EMP2: variants seen among roughly 807,000 people sequenced by gnomAD.
The protein encoded by EMP2 is epithelial membrane protein 2.
EMP2 carries 19 observed loss-of-function variants against 13.7 expected under a neutral mutation model. That is an observed-to-expected ratio of 1.38 (90% CI 0.97 to 2.03). The LOEUF (loss-of-function observed/expected upper bound fraction) is 2.03, where lower values mean the gene tolerates loss of function less well. Among genes scored for constraint, EMP2 ranks in the 30% most tolerant of loss-of-function variants. The probability of loss-of-function intolerance (pLI) is 0.00; values close to 1 mark genes in which losing one functional copy is unlikely to be tolerated. For missense variants in EMP2, 253 were observed against 220.7 expected (o/e 1.15, Z -0.93); for synonymous variants, 97 against 84.7 (o/e 1.15, Z -0.80).
chr16:10,542,624 T>A lies in EMP2; in HGVS notation c.169+946A>T, dbSNP rs144505608. Reference sequence around the variant, plus strand: ...CAAAGTATCTATTTCATCAGTTCTATGAGGAAAAACAGAACCATTCACTTC... The same window carrying A: ...CAAAGTATCTATTTCATCAGTTCTAAGAGGAAAAACAGAACCATTCACTTC... On this transcript the variant is annotated intron_variant, in intron 3 of 4. Transcript: ENST00000359543. 2.7e-3 allele frequency among the ~76,000 whole-genome samples: 417 copies of A among 152,330 alleles called. 3 individuals are homozygous for A. Among genetic ancestry groups the A allele is most frequent in the African/African-American group, 9.7e-3 (402 of 41,580 alleles).
chr16:10,551,346 TC>T (rs764494989), intron 1 of EMP2, among the ~76,000 whole-genome samples: 3 of 152,184 alleles, frequency 2.0e-5, no homozygotes, highest in African/African-American at 4.8e-5. Context: ...AATGTAAAGA[TC>T]CTCTCTCAAG....
At chr16:10,552,866 C>T (rs1393985209) in intron 1 of EMP2, among the ~76,000 whole-genome samples, 2 of 152,148 alleles carry the variant, frequency 1.3e-5, no homozygotes, top group Non-Finnish European at 2.9e-5. Context: ...TTTCAGACAT[C>T]AGGAACAAGC....
chr16:10,577,833 C>T (rs1382567828), intron 1 of EMP2, among the ~76,000 whole-genome samples: 3 of 152,072 alleles, frequency 2.0e-5, no homozygotes, highest in African/African-American at 7.2e-5. Context: ...CACCGCCTCC[C>T]CTCTGGAACT....
chr16:10,548,222 A>G (rs908752739), intron 1 of EMP2, among the ~76,000 whole-genome samples: 3 of 152,228 alleles, frequency 2.0e-5, no homozygotes, highest in African/African-American at 7.2e-5. Context: ...TAATTGAGAA[A>G]AGCATCACGT....
At chr16:10,578,419 T>C (rs1303519819) in intron 1 of EMP2, among the ~76,000 whole-genome samples, 3 of 152,142 alleles carry the variant, frequency 2.0e-5, no homozygotes, top group Non-Finnish European at 2.9e-5. Context: ...GGGGTGAGGG[T>C]GGAGAAGCGG....
chr16:10,531,120 T>A lies in EMP2; in HGVS notation c.*1785A>T, dbSNP rs1224547213. 1 of 151,374 alleles carries A rather than the reference T, an allele frequency of 6.6e-6. No homozygotes were observed. Among genetic ancestry groups the A allele is most frequent in the African/African-American group, 2.4e-5 (1 of 41,154 alleles). 9.4% of individuals were successfully genotyped at this position (151,374 alleles called of 1,614,324 possible). The stretch of plus-strand genomic sequence containing the variant: ...CTAAGTAGCTGGGATTACAGGCACC[T>A]GCCACCACACCGGGCTAATTTTGTT... On this transcript the variant is annotated 3_prime_UTR_variant, in exon 5 of 5. Transcript: ENST00000359543.
At chr16:10,574,092 C>A (rs1229444462) in intron 1 of EMP2, among the ~76,000 whole-genome samples, 1 of 151,918 alleles carries the variant, frequency 6.6e-6, no homozygotes, top group Non-Finnish European at 1.5e-5. Context: ...TGCACACCAC[C>A]AAGCCCAACT....
At chr16:10,558,718 C>T (rs980405889) in intron 1 of EMP2, among the ~76,000 whole-genome samples, 10 of 152,014 alleles carry the variant, frequency 6.6e-5, no homozygotes, top group Non-Finnish European at 1.2e-4. Flanking sequence ...AATCTCCACC[C>T]GTGAGCCCCA....
chr16:10,575,237 CTTTTTTTTTTT>C (rs761837614), intron 1 of EMP2, among the ~76,000 whole-genome samples: 152 of 52,478 alleles, frequency 2.9e-3, no homozygotes, highest in South Asian at 6.5e-3. Flanking sequence ...AGCTTGCATT[CTTTTTTTTTTT>C]TTTTTTTTTT....
chr16:10,529,766 A>G lies in EMP2; in HGVS notation c.*3139T>C, dbSNP rs1211067137. ...ACCAACATGGAGAAACCCCATCTCTACTAAAAATACAAAAATTAGCTGGGC... is the reference window on the plus strand; with the variant it reads ...ACCAACATGGAGAAACCCCATCTCTGCTAAAAATACAAAAATTAGCTGGGC... On this transcript the variant is annotated 3_prime_UTR_variant, in exon 5 of 5. Coordinates refer to ENST00000359543, the MANE Select transcript of EMP2 (RefSeq NM_001424.6). 1.3e-5 allele frequency: 2 copies of G among 152,204 alleles called. No homozygotes were observed. The highest frequency in any genetic ancestry group is 3.9e-4 in the East Asian group (2 of 5,176). The allele number at this position is 152,204 out of a possible 1,614,324, so 9.4% of individuals were successfully genotyped here. A position where few individuals can be genotyped will look rare whatever the true frequency, so the allele number is the denominator to read the frequency against.
intron 1 of EMP2, chr16:10,577,963 C>T (rs1164393669): frequency 8.3e-6 from 1 of 120,912 alleles, no homozygotes; most frequent in Non-Finnish European, 1.8e-5. Flanking sequence ...CCCCCACACA[C>T]AATTATCTGA....
intron 1 of EMP2, among the ~76,000 whole-genome samples, chr16:10,555,769 T>A (rs1400367974): frequency 6.6e-6 from 1 of 152,188 alleles, no homozygotes; most frequent in East Asian, 1.9e-4. Context: ...GTATTTTTAG[T>A]AGAGATGGGG....
At chr16:10,533,379 G>A (rs1025234598) in intron 4 of EMP2, among the ~76,000 whole-genome samples, 1 of 152,116 alleles carries the variant, frequency 6.6e-6, no homozygotes, top group African/African-American at 2.4e-5. Flanking sequence ...TAGTCTATTG[G>A]AAAAATTACA....
chr16:10,558,667 A>T (rs1398989823), intron 1 of EMP2, among the ~76,000 whole-genome samples: 2 of 152,076 alleles, frequency 1.3e-5, no homozygotes, highest in East Asian at 3.9e-4. Flanking sequence ...CCACGGACAG[A>T]GTAAGGGTCC....
intron 4 of EMP2, among the ~76,000 whole-genome samples, chr16:10,537,343 T>C (rs1226791054): frequency 6.6e-6 from 1 of 152,180 alleles, no homozygotes; most frequent in Admixed American, 6.5e-5. Context: ...CTTGTTCATC[T>C]CTTGAGCCCC....
intron 3 of EMP2, among the ~76,000 whole-genome samples, chr16:10,541,121 G>A (rs1343753971): frequency 6.6e-6 from 1 of 151,978 alleles, no homozygotes; most frequent in Non-Finnish European, 1.5e-5. Flanking sequence ...TAGATTTATG[G>A]GTGAGTGCAG....
At chr16:10,549,713 A>ACG (rs202226206) in intron 1 of EMP2, among the ~76,000 whole-genome samples, 1,201 of 84,110 alleles carry the variant, frequency 0.014, 15 homozygotes, top group African/African-American at 0.059. Flanking sequence ...GGATTAATGC[A>ACG]CGCACACACA....
chr16:10,554,535 GAACA>G (rs2050813132), intron 1 of EMP2, among the ~76,000 whole-genome samples: 1 of 152,180 alleles, frequency 6.6e-6, no homozygotes, highest in African/African-American at 2.4e-5. Flanking sequence ...TGATACGAAA[GAACA>G]AACAAACAGT....
chr16:10,546,053 G>T (rs7193566), intron 2 of EMP2: 78,616 of 152,062 alleles, frequency 0.52, 21,793 homozygotes, highest in African/African-American at 0.7. Flanking sequence ...GCCCTGAGGC[G>T]CAGTTCCTTC....
Sources: gnomAD v4.1 joint callset for allele counts (sites outside exome capture counted in the v4.1 genomes callset) on GRCh38, gnomAD v4.1.1 for gene constraint, MANE v1.5 for transcripts, NCBI Gene and HGNC (gene_info 2026-07-23, HGNC 2026-07-21) for gene names.